PPHLN1: variants seen among roughly 807,000 people sequenced by gnomAD.
PPHLN1 encodes the protein periphilin-1.
Under a neutral mutation model 51.3 loss-of-function variants are expected in PPHLN1, and 29 were observed. The observed-to-expected ratio is 0.57, with a 90% CI of 0.42 to 0.77. PPHLN1 has a LOEUF of 0.77. PPHLN1 is among the 30% of genes least tolerant of loss of function. The pLI is 0.00. For missense variants in PPHLN1, 436 were observed against 438.4 expected, an observed-to-expected ratio of 0.99 and a Z score of 0.05; for synonymous variants, 147 against 147.8, an observed-to-expected ratio of 0.99 and a Z score of 0.04.
intron 4 of PPHLN1, among the ~76,000 whole-genome samples, chr12:42,359,897 C>G (rs964021998): frequency 2.0e-5 from 3 of 152,120 alleles, no homozygotes; most frequent in South Asian, 2.1e-4. Context: ...CACATGAGGT[C>G]AGGAGTTTGA....
At chr12:42,432,287 T>G in intron 9 of PPHLN1, 1 of 758,480 alleles carries the variant, frequency 1.3e-6, no homozygotes, top group Non-Finnish European at 2.5e-6. Context: ...TCTTCCACTA[T>G]GAGACCTAGA....
chr12:42,337,103 C>G (rs984528214), intron 2 of PPHLN1, among the ~76,000 whole-genome samples: 4 of 152,110 alleles, frequency 2.6e-5, no homozygotes, highest in Non-Finnish European at 5.9e-5. Context: ...TGTTTTCAAT[C>G]AAAATCCCAA....
intron 5 of PPHLN1, among the ~76,000 whole-genome samples, chr12:42,379,902 A>C (rs897358729): frequency 3.9e-5 from 6 of 152,058 alleles, no homozygotes; most frequent in African/African-American, 1.4e-4. Flanking sequence ...TGAGGAGCAT[A>C]AGGCCAACTG....
chr12:42,379,745 C>G (rs1246891842), intron 5 of PPHLN1, among the ~76,000 whole-genome samples: 1 of 151,886 alleles, frequency 6.6e-6, no homozygotes, highest in Non-Finnish European at 1.5e-5. Flanking sequence ...TACATTTTAT[C>G]TAATTAACTT....
At position 42,435,919 on chromosome 12, in the gene PPHLN1, G is replaced by A. The variant is rs557532396; in HGVS notation, c.910-5396G>A. On this transcript the variant is annotated intron_variant, in intron 9 of 9. Transcript: ENST00000358314. ...TGATGAAAATGTTTTATATCCTCATGTCCAGTATGGCAGCCACTAGCGTTT... is the reference window on the plus strand; with the variant it reads ...TGATGAAAATGTTTTATATCCTCATATCCAGTATGGCAGCCACTAGCGTTT... 1.9e-4 allele frequency among the ~76,000 whole-genome samples: 29 copies of A among 152,254 alleles called. 1 individual carries two copies. The South Asian group carries it at 5.4e-3, about 28-fold the overall frequency.
chr12:42,378,925 C>G (rs1378923564), intron 5 of PPHLN1, among the ~76,000 whole-genome samples: 3 of 152,034 alleles, frequency 2.0e-5, no homozygotes, highest in Non-Finnish European at 2.9e-5. Flanking sequence ...TTTTTGTTGT[C>G]CATGTTCACA....
intron 3 of PPHLN1, among the ~76,000 whole-genome samples, chr12:42,353,098 A>C (rs1237690050): frequency 6.6e-6 from 1 of 152,074 alleles, no homozygotes; most frequent in Non-Finnish European, 1.5e-5. Flanking sequence ...CAAAAAAAAA[A>C]AAAGTTAGCT....
At chr12:42,442,906 A>T, downstream of PPHLN1, 1 of 1,110,194 alleles carries the variant, frequency 9.0e-7, no homozygotes, top group South Asian at 1.8e-5. Context: ...CAATTAAGGG[A>T]CCCAGTGCAA....
intron 9 of PPHLN1, among the ~76,000 whole-genome samples, chr12:42,423,644 T>C (rs2081187820): frequency 1.3e-5 from 2 of 152,026 alleles, no homozygotes; most frequent in Admixed American, 1.3e-4. Flanking sequence ...AAGGAAACTT[T>C]AAGGATTAGT....
chr12:42,364,280 A>G (rs1004881174), intron 4 of PPHLN1, among the ~76,000 whole-genome samples: 3 of 152,072 alleles, frequency 2.0e-5, no homozygotes, highest in African/African-American at 7.2e-5. Context: ...GAAGTATTAT[A>G]TAATGTTGAA....
chr12:42,418,445 A>T lies in PPHLN1; in HGVS notation c.909+19451A>T, dbSNP rs187703482. 2.9e-3 allele frequency among the ~76,000 whole-genome samples: 434 copies of T among 152,116 alleles called. 2 individuals are homozygous for T. Among genetic ancestry groups the T allele is most frequent in the Non-Finnish European group, 4.6e-3 (314 of 68,004 alleles). ...ATTTGAAATCCTCCAGTGGTTTCCC[A>T]TTATACTTAGAATAAAAATCCAAAG... On this transcript the variant is annotated intron_variant, in intron 9 of 9. Coordinates refer to ENST00000358314, the MANE Select transcript of PPHLN1 (RefSeq NM_201439.2).
At chr12:42,398,194 G>A (rs572633491) in intron 8 of PPHLN1, among the ~76,000 whole-genome samples, 1 of 152,154 alleles carries the variant, frequency 6.6e-6, no homozygotes, top group Non-Finnish European at 1.5e-5. Context: ...ATAATTCACA[G>A]TATATTTATT....
intron 5 of PPHLN1, among the ~76,000 whole-genome samples, chr12:42,381,242 C>G (rs192735033): frequency 1.2e-3 from 177 of 152,308 alleles, no homozygotes; most frequent in African/African-American, 4.1e-3. Flanking sequence ...AGTTTTCTAG[C>G]TAAATCCTAG....
At chr12:42,341,680 C>T (rs1186004770) in intron 2 of PPHLN1, among the ~76,000 whole-genome samples, 2 of 151,876 alleles carry the variant, frequency 1.3e-5, no homozygotes, top group African/African-American at 4.8e-5. Context: ...TGGAGTGCAG[C>T]GGGCGATCTC....
intron 2 of PPHLN1, among the ~76,000 whole-genome samples, chr12:42,348,687 A>G (rs773148871): frequency 3.9e-5 from 6 of 152,174 alleles, no homozygotes; most frequent in Non-Finnish European, 8.8e-5. Context: ...ACAAACAAAC[A>G]AGGATATTGT....
At chr12:42,366,251 A>T (rs575864726) in intron 4 of PPHLN1, among the ~76,000 whole-genome samples, 2 of 130,102 alleles carry the variant, frequency 1.5e-5, no homozygotes, top group Non-Finnish European at 3.1e-5. Context: ...TTTTTGAGAC[A>T]GAGTCTCACT....
At chr12:42,399,048 A>G (rs766472063) in intron 9 of PPHLN1, 54 bp downstream of exon 9, 1 of 1,589,418 alleles carries the variant, frequency 6.3e-7, no homozygotes. Flanking sequence ...TGCTTTGCAC[A>G]TGTAAACATT....
chr12:42,358,534 G>C (rs889583165), intron 4 of PPHLN1, among the ~76,000 whole-genome samples: 1 of 152,124 alleles, frequency 6.6e-6, no homozygotes, highest in Non-Finnish European at 1.5e-5. Flanking sequence ...GGGACCACAG[G>C]TGTGTGCCAC....
At chr12:42,407,422 C>G (rs1252318832) in intron 9 of PPHLN1, among the ~76,000 whole-genome samples, 2 of 152,212 alleles carry the variant, frequency 1.3e-5, no homozygotes, top group Admixed American at 1.3e-4. Context: ...ATGACATGGC[C>G]TCCACTAGAG....
Sources: gnomAD v4.1 joint callset for allele counts (sites outside exome capture counted in the v4.1 genomes callset) on GRCh38, gnomAD v4.1.1 for gene constraint, MANE v1.5 for transcripts, NCBI Gene and HGNC (gene_info 2026-07-23, HGNC 2026-07-21) for gene names.